The following MYO3B variants were observed in gnomAD, a reference collection of about 807,000 sequenced individuals.
The protein encoded by MYO3B is myosin-IIIb.
MYO3B carries 156 observed loss-of-function variants against 174.6 expected under a neutral mutation model. The observed-to-expected ratio is 0.89, with a 90% CI of 0.78 to 1.02. The LOEUF (loss-of-function observed/expected upper bound fraction) is 1.02, where lower values mean the gene tolerates loss of function less well. Ranked by LOEUF, MYO3B falls within the 50% of genes least tolerant of loss-of-function variation. MYO3B has a pLI of 0.00. For synonymous variants in MYO3B, 563 were observed against 569.1 expected (o/e 0.99, Z 0.15); for missense variants, 1,632 against 1,639.4 (o/e 1.00, Z 0.08).
intron 25 of MYO3B, among the ~76,000 whole-genome samples, chr2:170,476,807 C>T (rs528355298): frequency 1.3e-5 from 2 of 151,976 alleles, no homozygotes; most frequent in East Asian, 1.9e-4. Context: ...GGACCATTGC[C>T]GGGGAACCAT....
intron 24 of MYO3B, among the ~76,000 whole-genome samples, 162 bp from the exon 25 acceptor site, chr2:170,466,344 A>G (rs975697362): frequency 2.0e-5 from 3 of 152,226 alleles, no homozygotes; most frequent in Non-Finnish European, 4.4e-5. Context: ...GCAGATGGCT[A>G]TAAGTGCAAC....
At chr2:170,536,896 A>T (rs1306561163) in intron 30 of MYO3B, among the ~76,000 whole-genome samples, 1 of 151,804 alleles carries the variant, frequency 6.6e-6, no homozygotes, top group East Asian at 1.9e-4. Context: ...TGGGGCCCCT[A>T]CTATTTAAAA....
At chr2:170,221,641 G>A (rs760287688) in intron 6 of MYO3B, among the ~76,000 whole-genome samples, 7 of 152,180 alleles carry the variant, frequency 4.6e-5, no homozygotes, top group African/African-American at 1.7e-4. Flanking sequence ...GAGTTCTGTG[G>A]GATGCCCTTA....
chr2:170,499,856 A>G (rs1455068039), intron 27 of MYO3B, 48 bp downstream of exon 27: 2 of 1,582,244 alleles, frequency 1.3e-6, no homozygotes, highest in Non-Finnish European at 1.7e-6. Context: ...TTGGCATGTC[A>G]TTAAGTACTG....
At chr2:170,303,407 A>G (rs2093679047) in intron 7 of MYO3B, among the ~76,000 whole-genome samples, 1 of 152,180 alleles carries the variant, frequency 6.6e-6, no homozygotes, top group African/African-American at 2.4e-5. Context: ...TATGGGTGTA[A>G]AAAATGGTAT....
At chr2:170,433,913 C>T (rs1275791877) in intron 22 of MYO3B, among the ~76,000 whole-genome samples, 1 of 152,222 alleles carries the variant, frequency 6.6e-6, no homozygotes, top group Non-Finnish European at 1.5e-5. Context: ...GACATTAGGT[C>T]ATGTCCAAGT....
chr2:170,459,655 G>A lies in MYO3B; in HGVS notation c.2731-3713G>A, dbSNP rs943026638. Among the ~76,000 whole-genome samples, 5 of 152,158 alleles carry A rather than the reference G, an allele frequency of 3.3e-5. No individual in the cohort carries two copies. The South Asian group carries it at 8.3e-4, about 25-fold the overall frequency. ...CACTCCTCAGCCCTTGGGCAGTCAT[G>A]GGACCGGGCGCCATGGAGCAGGGGG... On this transcript the variant is annotated intron_variant, in intron 23 of 34. Coordinates refer to ENST00000408978, the MANE Select transcript of MYO3B (RefSeq NM_138995.5).
At chr2:170,532,992 C>T (rs1025465658) in intron 30 of MYO3B, among the ~76,000 whole-genome samples, 6 of 152,096 alleles carry the variant, frequency 3.9e-5, no homozygotes, top group East Asian at 1.9e-4. Flanking sequence ...TGCATCTTTT[C>T]TATTAATATA....
At chr2:170,651,200 T>G (rs1365965391) in intron 32 of MYO3B, among the ~76,000 whole-genome samples, 1 of 152,196 alleles carries the variant, frequency 6.6e-6, no homozygotes, top group Non-Finnish European at 1.5e-5. Context: ...GGTTTGCTTC[T>G]CACCTCCCCA....
intron 32 of MYO3B, among the ~76,000 whole-genome samples, chr2:170,605,687 T>C (rs1694765366): frequency 6.6e-6 from 1 of 152,016 alleles, no homozygotes; most frequent in Admixed American, 6.6e-5. Flanking sequence ...TAAAACCCTA[T>C]CTCTACTAAA....
chr2:170,579,980 T>C (rs1469671039), intron 32 of MYO3B, among the ~76,000 whole-genome samples: 5 of 152,152 alleles, frequency 3.3e-5, no homozygotes, highest in Non-Finnish European at 7.3e-5. Context: ...AATTACAGAG[T>C]TGTGATGCTT....
In MYO3B at chr2:170,291,659, T is replaced by C. The variant is rs73012812; in HGVS notation, c.750-43726T>C. 4.8e-3 allele frequency among the ~76,000 whole-genome samples: 735 copies of C among 152,286 alleles called. 11 individuals are homozygous for C. The highest frequency in any genetic ancestry group is 0.017 in the African/African-American group (697 of 41,582). ...TTATTTGCCTGGGAAAGATTTTATC[T>C]CTATTTCATATTCAAAGGATAATTT... On this transcript the variant is annotated intron_variant, in intron 7 of 34. Transcript: ENST00000408978.
At chr2:170,202,308 T>C (rs1397443053) in intron 3 of MYO3B, among the ~76,000 whole-genome samples, 1 of 152,196 alleles carries the variant, frequency 6.6e-6, no homozygotes, top group Non-Finnish European at 1.5e-5. Flanking sequence ...GTTGTTTTGG[T>C]CCATGCCAAA....
At chr2:170,188,041 T>C (rs531590384) in intron 1 of MYO3B, among the ~76,000 whole-genome samples, 34 of 152,314 alleles carry the variant, frequency 2.2e-4, no homozygotes, top group Admixed American at 1.1e-3. Flanking sequence ...GTCTGGATGA[T>C]CTGTTCGATG....
chr2:170,322,113 GA>G (rs56152648), intron 7 of MYO3B, among the ~76,000 whole-genome samples: 31,555 of 85,814 alleles, frequency 0.37, 3,681 homozygotes, highest in South Asian at 0.43. Context: ...ACTCCGTCTC[GA>G]AAAAAAAAAA....
At position 170,368,240 on chromosome 2, in the gene MYO3B, C is replaced by G. The variant is rs571073741; in HGVS notation, c.816-982C>G. On this transcript the variant is annotated intron_variant, in intron 8 of 34. Transcript: ENST00000408978. ...TGCTGGCATTCCACTGTTGAGAAAA[C>G]TAAAGACGTTTATTTCATGGATTGG... Among the ~76,000 whole-genome samples, 138 of 152,288 alleles carry G rather than the reference C, an allele frequency of 9.1e-4. 2 individuals carry two copies. The South Asian group carries it at 0.028, about 31-fold the overall frequency.
chr2:170,476,201 C>A lies in MYO3B; in HGVS notation c.3014+9490C>A, dbSNP rs115792594. ...GGAGCTGGGACAAGCGCTGTGGGTTCCAGCCCCACTCTCCAAGTAGTGTCT... is the reference window on the plus strand; with the variant it reads ...GGAGCTGGGACAAGCGCTGTGGGTTACAGCCCCACTCTCCAAGTAGTGTCT... On this transcript the variant is annotated intron_variant, in intron 25 of 34. Coordinates refer to ENST00000408978, the MANE Select transcript of MYO3B (RefSeq NM_138995.5). Among the ~76,000 whole-genome samples the A allele has an allele frequency of 5.9e-3, 906 of 152,326 alleles. 15 individuals carry two copies. Among genetic ancestry groups the A allele is most frequent in the African/African-American group, 0.021 (859 of 41,574 alleles).
At chr2:170,369,512 A>G in intron 9 of MYO3B, 135 bp downstream of exon 9, 1 of 979,778 alleles carries the variant, frequency 1.0e-6, no homozygotes, top group Non-Finnish European at 1.5e-6. Context: ...ACATGACATT[A>G]AGTACTCCAT....
At chr2:170,651,529 A>G (rs1699009130) in intron 32 of MYO3B, 99 bp from the exon 33 acceptor site, 3 of 882,460 alleles carry the variant, frequency 3.4e-6, no homozygotes, top group East Asian at 4.9e-5. Context: ...TTAAAATAGG[A>G]CACAGTTTCT....
Sources: gnomAD v4.1 joint callset for allele counts (sites outside exome capture counted in the v4.1 genomes callset) on GRCh38, gnomAD v4.1.1 for gene constraint, MANE v1.5 for transcripts, NCBI Gene and HGNC (gene_info 2026-07-23, HGNC 2026-07-21) for gene names.